The following PHF20L1 variants were observed in gnomAD, a reference collection of about 807,000 sequenced individuals.
PHF20L1 encodes PHD finger protein 20-like protein 1.
A neutral mutation model predicts 125.5 loss-of-function variants in PHF20L1; 44 were observed. The observed-to-expected ratio is 0.35, with a 90% CI of 0.28 to 0.45. The LOEUF (loss-of-function observed/expected upper bound fraction) is 0.45, where lower values mean the gene tolerates loss of function less well. Ranked by LOEUF, PHF20L1 falls within the 20% of genes least tolerant of loss-of-function variation. The pLI, the probability that PHF20L1 is intolerant of heterozygous loss-of-function variation, is 1.00. For synonymous variants in PHF20L1, 380 were observed against 403.1 expected, an observed-to-expected ratio of 0.94 and a Z score of 0.69; for missense variants, 1,012 against 1,217.2, an observed-to-expected ratio of 0.83 and a Z score of 2.51.
Position 132,824,027 on chromosome 8 carries a change from G to C in PHF20L1, c.1603G>C (p.Val535Leu), listed in dbSNP as rs772541163. 4 of 1,600,900 alleles carry C rather than the reference G, an allele frequency of 2.5e-6. No homozygotes were observed. The highest frequency in any genetic ancestry group is 3.4e-6 in the Non-Finnish European group (4 of 1,170,656). ...AGGAATATCGAAAACAGAAAAAAAA[G>C]TGAAATTGGAAGACAAAAGCTCAAC... ...AAGISKTEKK[V>L]KLEDKSSTAF... Residue 535 changes from valine to leucine, a missense_variant, in exon 13 of 21, where the codon GTG becomes CTG. By Grantham distance (32) the Val-to-Leu change is conservative (BLOSUM62 1). Transcript: ENST00000395386.
At chr8:132,791,356 C>T (rs998013957) in intron 2 of PHF20L1, among the ~76,000 whole-genome samples, 4 of 150,000 alleles carry the variant, frequency 2.7e-5, no homozygotes, top group African/African-American at 4.9e-5. Context: ...CGGGTTCAAG[C>T]GATTCTCCTG....
At position 132,844,208 on chromosome 8, in the gene PHF20L1, A is replaced by G; in HGVS notation, c.2801A>G (p.Glu934Gly). ...VFVYNDKKGT[E>G]DPGDSHLQWQ... ...GTTTATAATGATAAAAAGGGCACCG[A>G]AGACCCAGGAGACTCACATCTTCAG... Residue 934 changes from glutamate (E) to glycine (G), a missense_variant, in exon 20 of 21, where the codon GAA becomes GGA. Transcript: ENST00000395386. 6.2e-7 allele frequency: 1 copy of G among 1,613,080 alleles called. No homozygotes were observed. The highest frequency in any genetic ancestry group is 8.5e-7 in the Non-Finnish European group (1 of 1,179,262).
chr8:132,835,138 T>C (rs1316499175), intron 15 of PHF20L1, among the ~76,000 whole-genome samples: 1 of 152,160 alleles, frequency 6.6e-6, no homozygotes, highest in East Asian at 1.9e-4. Context: ...TCCTTAGTTC[T>C]TCTACAAACA....
intron 14 of PHF20L1, among the ~76,000 whole-genome samples, chr8:132,827,394 G>A (rs1836299836): frequency 1.3e-5 from 2 of 152,002 alleles, no homozygotes; most frequent in Admixed American, 1.3e-4. Context: ...CCTAGCTTAG[G>A]TGTTCCAATG....
chr8:132,829,928 A>G (rs936258016), intron 14 of PHF20L1, among the ~76,000 whole-genome samples: 1 of 152,084 alleles, frequency 6.6e-6, no homozygotes, highest in Non-Finnish European at 1.5e-5. Context: ...AGAGCCCTCA[A>G]TCAGTGTTGG....
rs1257578610 is a variant in PHF20L1, at chr8:132,848,572, A to G, written c.*2649A>G. 1 of 152,592 alleles carries G rather than the reference A, an allele frequency of 6.6e-6. No homozygotes were observed. Among genetic ancestry groups the G allele is most frequent in the Non-Finnish European group, 1.5e-5 (1 of 67,984 alleles). The allele number at this position is 152,592 out of a possible 1,614,324, so 9.5% of individuals were successfully genotyped here. ...TTGGTAGAGAAGGCTCCCTCTTGGT[A>G]TGTTACTGATAAACTTGTACTTCCT... On this transcript the variant is annotated 3_prime_UTR_variant, in exon 21 of 21. Transcript: ENST00000395386.
At chr8:132,825,007 T>C in intron 13 of PHF20L1, 1 of 1,400,384 alleles carries the variant, frequency 7.1e-7, no homozygotes, top group South Asian at 1.1e-5. Flanking sequence ...CATTGAAGGT[T>C]TTAACTACTG....
At chr8:132,832,709 A>C (rs753684625) in intron 15 of PHF20L1, among the ~76,000 whole-genome samples, 5 of 152,120 alleles carry the variant, frequency 3.3e-5, no homozygotes, top group Admixed American at 6.6e-5. Context: ...TTGATATATA[A>C]ACAAGCCGAA....
intron 2 of PHF20L1, among the ~76,000 whole-genome samples, chr8:132,780,850 T>C (rs1691778827): frequency 6.7e-6 from 1 of 150,262 alleles, no homozygotes; most frequent in Admixed American, 6.6e-5. Context: ...CTTGCTTTTT[T>C]TTTTTTTTTT....
intron 9 of PHF20L1, chr8:132,811,636 G>A: frequency 3.1e-6 from 3 of 983,352 alleles, no homozygotes; most frequent in Non-Finnish European, 3.6e-6. Flanking sequence ...AACTATTAAG[G>A]GTCTGTCTTT....
chr8:132,823,469 C>T (rs1351238866), intron 12 of PHF20L1, among the ~76,000 whole-genome samples: 2 of 152,056 alleles, frequency 1.3e-5, no homozygotes, highest in Non-Finnish European at 1.5e-5. Flanking sequence ...GGCTGTGGTG[C>T]TAGAGTAGAC....
At position 132,835,611 on chromosome 8, in the gene PHF20L1, A is replaced by G. The variant is rs142261754; in HGVS notation, c.1910-929A>G. Among the ~76,000 whole-genome samples, 630 of 152,286 alleles carry G rather than the reference A, an allele frequency of 4.1e-3. 4 individuals are homozygous for G. The highest frequency in any genetic ancestry group is 0.014 in the African/African-American group (595 of 41,568). On this transcript the variant is annotated intron_variant, in intron 15 of 20. Coordinates refer to ENST00000395386, the MANE Select transcript of PHF20L1 (RefSeq NM_016018.5). The stretch of plus-strand genomic sequence containing the variant: ...ATTGAGTTGTATGTAGTAGTCATCC[A>G]TATAGTCTTGTTTCTAGGATATGCT...
In PHF20L1 at chr8:132,788,393, T is replaced by C. The variant is rs539957921; in HGVS notation, c.84-6017T>C. On this transcript the variant is annotated intron_variant, in intron 2 of 20. Transcript: ENST00000395386. ...GGCAGTTTATAAAATTATGTTGCCA[T>C]TTTGATTGATATGGTGCTTATTCAA... is the stretch of plus-strand genomic sequence containing the variant. Among the ~76,000 whole-genome samples the C allele has an allele frequency of 3.3e-5, 5 of 152,254 alleles. No homozygotes were observed. In the South Asian group the frequency reaches 1.0e-3, roughly 32 times the overall value.
In PHF20L1 at chr8:132,803,801, T is replaced by C. The variant is rs375433248; in HGVS notation, c.508-18T>C. On this transcript the variant is annotated intron_variant, in intron 6 of 20. Transcript: ENST00000395386. ...TTAATTTTTAATACTTCACATGTTT[T>C]GTGTTTTTCCTTTGGAGGATTGGAT... 3 of 1,424,814 alleles carry C rather than the reference T, an allele frequency of 2.1e-6. No homozygotes were observed. Among genetic ancestry groups the C allele is most frequent in the Non-Finnish European group, 2.9e-6 (3 of 1,020,996 alleles). The allele number at this position is 1,424,814 out of a possible 1,614,324, so 88.3% of individuals were successfully genotyped here.
rs756601482 is a variant in PHF20L1, at chr8:132,814,837, C to T, written c.1131C>T (p.Val377=). ...CACTTTCCCCAGAATTAATACAAGT[C>T]GAGGATTTGACGCTTGTATCTCAGC... ...KSPLSPELIQ[V]EDLTLVSQLS... The change falls in exon 10 of 21, where the codon GTC becomes GTT. Residue 377 remains valine (V), a synonymous_variant. Transcript: ENST00000395386. 3.7e-6 allele frequency: 6 copies of T among 1,609,000 alleles called. No homozygotes were observed. The highest frequency in any genetic ancestry group is 5.1e-6 in the Non-Finnish European group (6 of 1,175,998).
At position 132,848,054 on chromosome 8, in the gene PHF20L1, C is replaced by T. The variant is rs1838540629; in HGVS notation, c.*2131C>T. The T allele has an allele frequency of 6.6e-6, 1 of 151,980 alleles. No homozygotes were observed. Among genetic ancestry groups the T allele is most frequent in the Admixed American group, 6.6e-5 (1 of 15,238 alleles). 9.4% of individuals were successfully genotyped at this position (151,980 alleles called of 1,614,324 possible). On this transcript the variant is annotated 3_prime_UTR_variant, in exon 21 of 21. Coordinates refer to ENST00000395386, the MANE Select transcript of PHF20L1 (RefSeq NM_016018.5). ...TATGAATAATGGTGTTGCCTAGATT[C>T]TTGTCACACACACAGAAGACCCTTT...
intron 12 of PHF20L1, among the ~76,000 whole-genome samples, chr8:132,821,045 G>C (rs910322661): frequency 7.9e-5 from 12 of 151,754 alleles, no homozygotes; most frequent in African/African-American, 2.7e-4. Context: ...TAGGAATGTT[G>C]GCTTGACGTG....
At chr8:132,838,852 C>T (rs1014321877) in intron 17 of PHF20L1, among the ~76,000 whole-genome samples, 1 of 152,070 alleles carries the variant, frequency 6.6e-6, no homozygotes, top group African/African-American at 2.4e-5. Context: ...TTAAACCATG[C>T]CTTCAACTGG....
At chr8:132,811,425 G>T in intron 9 of PHF20L1, 18 of 1,053,536 alleles carry the variant, frequency 1.7e-5, no homozygotes, top group Non-Finnish European at 2.1e-5. Context: ...CTTACAAAAA[G>T]ACCCTTACAC....
Sources: gnomAD v4.1 joint callset for allele counts (sites outside exome capture counted in the v4.1 genomes callset) on GRCh38, gnomAD v4.1.1 for gene constraint, MANE v1.5 for transcripts, NCBI Gene and HGNC (gene_info 2026-07-23, HGNC 2026-07-21) for gene names.